The following HSBP1 variants were observed in gnomAD, a reference collection of about 807,000 sequenced individuals.
HSBP1 encodes heat shock factor-binding protein 1.
In HSBP1, 5 loss-of-function variants were observed where a neutral mutation model predicts 9.6. The ratio of observed to expected loss-of-function variants is 0.52; its 90% CI spans 0.27 to 1.09. The LOEUF (loss-of-function observed/expected upper bound fraction) is 1.09. Ranked by LOEUF, HSBP1 falls within the 50% of genes least tolerant of loss-of-function variation. HSBP1 has a pLI of 0.11. For synonymous variants in HSBP1, 42 were observed against 33.3 expected (o/e 1.26, Z -0.90); for missense variants, 121 against 96.3 (o/e 1.26, Z -1.07).
In HSBP1 at chr16:83,817,980, G is replaced by A. The variant is rs1043007247; in HGVS notation, c.*6562G>A. ...TCTCTCCTGCAAGCCAGGCTCAGGT[G>A]CGCCTCAATTAGAACCTGTGTTCGC... On this transcript the variant is annotated 3_prime_UTR_variant, in exon 4 of 4. Transcript: ENST00000433866. The A allele has an allele frequency of 6.6e-6, 1 of 152,182 alleles. No individual in the cohort carries two copies. The highest frequency in any genetic ancestry group is 2.4e-5 in the African/African-American group (1 of 41,442). 9.4% of individuals were successfully genotyped at this position (152,182 alleles called of 1,614,324 possible). A position where few individuals can be genotyped will look rare whatever the true frequency, so the allele number is the denominator to read the frequency against.
rs144068053 is a variant in HSBP1, at chr16:83,819,282, A to C, written c.*7864A>C. 6.6e-6 allele frequency: 1 copy of C among 152,274 alleles called. No homozygotes were observed. Among genetic ancestry groups the C allele is most frequent in the African/African-American group, 2.4e-5 (1 of 41,548 alleles). The allele number at this position is 152,274 out of a possible 1,614,324, so 9.4% of individuals were successfully genotyped here. A position where few individuals can be genotyped will look rare whatever the true frequency, so the allele number is the denominator to read the frequency against. On this transcript the variant is annotated 3_prime_UTR_variant, in exon 4 of 4. Transcript: ENST00000433866. ...ATATTTTTAATAAATTCCCTCATTT[A>C]TTATTTTTGTGTCTTATTTCCCATA...
Position 83,817,685 on chromosome 16 carries a change from G to T in HSBP1, c.*6267G>T, listed in dbSNP as rs1389159639. ...ACTTTACATATTAAATATCTTAAAG[G>T]TCTTTTATGCAGAATATGCAGTTAA... On this transcript the variant is annotated 3_prime_UTR_variant, in exon 4 of 4. Transcript: ENST00000433866. 6.6e-6 allele frequency: 1 copy of T among 152,154 alleles called. No homozygotes were observed. Among genetic ancestry groups the T allele is most frequent in the African/African-American group, 2.4e-5 (1 of 41,418 alleles). 9.4% of individuals were successfully genotyped at this position (152,154 alleles called of 1,614,324 possible).
At chr16:83,811,383 A>C (rs1352794170) in intron 3 of HSBP1, 38 bp from the exon 4 acceptor site, 1 of 152,262 alleles carries the variant, frequency 6.6e-6, no homozygotes, top group African/African-American at 2.4e-5. Flanking sequence ...GTGCTCATAT[A>C]ATGAAAAACA....
intron 3 of HSBP1, among the ~76,000 whole-genome samples, chr16:83,810,997 G>A (rs1165380417): frequency 1.3e-5 from 2 of 152,154 alleles, no homozygotes; most frequent in African/African-American, 2.4e-5. Context: ...CACAGTAGGT[G>A]GGGTTCATTC....
chr16:83,810,322 G>A (rs1904571407), intron 3 of HSBP1, among the ~76,000 whole-genome samples: 1 of 152,074 alleles, frequency 6.6e-6, no homozygotes, highest in Non-Finnish European at 1.5e-5. Flanking sequence ...ATAGGTAAAT[G>A]TACAGAATCA....
rs1319471490 is a variant in HSBP1 at position 83,816,031 on chromosome 16, A to G, written c.*4613A>G. On this transcript the variant is annotated 3_prime_UTR_variant, in exon 4 of 4. Coordinates refer to ENST00000433866, the MANE Select transcript of HSBP1 (RefSeq NM_001537.4). ...AGCCCTTTTAACAATGGTGGGATGTATTATTTCACATGGCAAGAAGTCCCA... is the reference window on the plus strand; with the variant it reads ...AGCCCTTTTAACAATGGTGGGATGTGTTATTTCACATGGCAAGAAGTCCCA... The G allele has an allele frequency of 2.6e-5, 4 of 152,168 alleles. No homozygotes were observed. Among genetic ancestry groups the G allele is most frequent in the African/African-American group, 9.7e-5 (4 of 41,432 alleles). 9.4% of individuals were successfully genotyped at this position (152,168 alleles called of 1,614,324 possible).
intron 2 of HSBP1, 63 bp from the exon 3 acceptor site, chr16:83,809,242 T>C: frequency 9.6e-7 from 1 of 1,044,304 alleles, no homozygotes; most frequent in East Asian, 2.6e-5. Context: ...GGCTGTAGTC[T>C]GCAGGGACGG....
chr16:83,809,344 A>C lies in HSBP1; in HGVS notation c.152A>C (p.Asn51Thr). Residue 51 changes from asparagine to threonine, a missense_variant, in exon 3 of 4, where the codon AAT becomes ACT. Transcript: ENST00000433866. ...AGTCGCATTGATGATCTGGAAAAGA[A>C]TATCGCGGACCTCATGACACAGGCT... ...MSSRIDDLEK[N>T]IADLMTQAGV... 1.2e-6 allele frequency: 2 copies of C among 1,603,234 alleles called. No homozygotes were observed. The highest frequency in any genetic ancestry group is 1.7e-6 in the Non-Finnish European group (2 of 1,174,724).
intron 3 of HSBP1, among the ~76,000 whole-genome samples, chr16:83,810,067 C>G (rs1414252238): frequency 2.0e-5 from 3 of 150,890 alleles, no homozygotes; most frequent in Admixed American, 6.6e-5. Context: ...TTTTGTTGGC[C>G]TATAAAGCCT....
At chr16:83,809,715 G>A (rs866628226) in intron 3 of HSBP1, among the ~76,000 whole-genome samples, 11 of 151,966 alleles carry the variant, frequency 7.2e-5, no homozygotes, top group South Asian at 2.1e-4. Context: ...TGATTTGCCC[G>A]CCTCAGCCTC....
Position 83,809,322 on chromosome 16 carries a change from C to G in HSBP1, c.130C>G (p.Arg44Gly). ...TTCAGCACTTGATGATATGAGTAGT[C>G]GCATTGATGATCTGGAAAAGAATAT... ...IIGRIDDMSS[R>G]IDDLEKNIAD... is the part of the protein sequence containing the mutation. Residue 44 changes from arginine to glycine, a missense_variant, in exon 3 of 4, where the codon CGC (arginine) becomes GGC (glycine). Physicochemically the swap from Arg to Gly is moderately radical, Grantham distance 125. Coordinates refer to ENST00000433866, the MANE Select transcript of HSBP1 (RefSeq NM_001537.4). 1 of 1,594,004 alleles carries G rather than the reference C, an allele frequency of 6.3e-7. No homozygotes were observed. The highest frequency in any genetic ancestry group is 8.6e-7 in the Non-Finnish European group (1 of 1,168,880).
intron 3 of HSBP1, among the ~76,000 whole-genome samples, chr16:83,809,873 C>G (rs566199696): frequency 6.6e-6 from 1 of 152,228 alleles, no homozygotes; most frequent in Non-Finnish European, 1.5e-5. Context: ...CAGCAAGCAT[C>G]ACTGTATTGT....
At position 83,809,288 on chromosome 16, in the gene HSBP1, G is replaced by T. The variant is rs369271571; in HGVS notation, c.113-17G>T. On this transcript the variant is annotated splice_polypyrimidine_tract_variant and intron_variant, in intron 2 of 3. Coordinates refer to ENST00000433866, the MANE Select transcript of HSBP1 (RefSeq NM_001537.4). ...GCTCAATGAGATGTTGGCACGCGTT[G>T]TCTTTAACTTCAGCACTTGATGATA... 6.7e-7 allele frequency: 1 copy of T among 1,494,960 alleles called. No individual in the cohort carries two copies. The highest frequency in any genetic ancestry group is 9.2e-7 in the Non-Finnish European group (1 of 1,087,626). 92.6% of individuals were successfully genotyped at this position (1,494,960 alleles called of 1,614,324 possible).
rs1047239637 is a variant in HSBP1 at position 83,812,881 on chromosome 16, G to C, written c.*1463G>C. The C allele has an allele frequency of 2.6e-5, 4 of 152,248 alleles. No individual in the cohort carries two copies. Among genetic ancestry groups the C allele is most frequent in the Non-Finnish European group, 5.9e-5 (4 of 68,062 alleles). 9.4% of individuals were successfully genotyped at this position (152,248 alleles called of 1,614,324 possible). The stretch of plus-strand genomic sequence containing the variant: ...ATGATATGGCCGGTTGCGGTTGTAG[G>C]AGAGTTGTGACTTAGGCAGGAGTCG... On this transcript the variant is annotated 3_prime_UTR_variant, in exon 4 of 4. Coordinates refer to ENST00000433866, the MANE Select transcript of HSBP1 (RefSeq NM_001537.4).
In HSBP1 at chr16:83,809,354, C is replaced by T; in HGVS notation, c.162C>T (p.Asp54=). Residue 54 remains aspartate (D), a synonymous_variant, in exon 3 of 4, where the codon GAC becomes GAT. Coordinates refer to ENST00000433866, the MANE Select transcript of HSBP1 (RefSeq NM_001537.4). ...RIDDLEKNIA[D]LMTQAGVEEL... ...ATGATCTGGAAAAGAATATCGCGGA[C>T]CTCATGACACAGGCTGGGGTGGAAG... 2 of 1,604,086 alleles carry T rather than the reference C, an allele frequency of 1.2e-6. No homozygotes were observed. Among genetic ancestry groups the T allele is most frequent in the South Asian group, 1.1e-5 (1 of 88,762 alleles).
At position 83,812,246 on chromosome 16, in the gene HSBP1, AAG is replaced by A. The variant is rs1268065974; in HGVS notation, c.*834_*835del. On this transcript the variant is annotated 3_prime_UTR_variant, in exon 4 of 4. Coordinates refer to ENST00000433866, the MANE Select transcript of HSBP1 (RefSeq NM_001537.4). Reference sequence around the variant, plus strand: ...CCTTTGAGCTAGTGACTTGAAAAGAAAGAGAGAAGGAAAAGAGACCATATTAA... The same window carrying A: ...CCTTTGAGCTAGTGACTTGAAAAGAAAGAGAAGGAAAAGAGACCATATTAA... 1 of 152,682 alleles carries A rather than the reference AAG, an allele frequency of 6.5e-6. No individual in the cohort carries two copies. The highest frequency in any genetic ancestry group is 1.5e-5 in the Non-Finnish European group (1 of 68,042). 9.5% of individuals were successfully genotyped at this position (152,682 alleles called of 1,614,324 possible). A position where few individuals can be genotyped will look rare whatever the true frequency, so the allele number is the denominator to read the frequency against.
rs987335135 is a variant in HSBP1, at chr16:83,816,492, T to C, written c.*5074T>C. On this transcript the variant is annotated 3_prime_UTR_variant, in exon 4 of 4. Coordinates refer to ENST00000433866, the MANE Select transcript of HSBP1 (RefSeq NM_001537.4). ...TGCATCCGGTCAGAGAATGCCTTTC[T>C]TCTTCCCTTTTGTCTCCTAAGAGTG... The C allele has an allele frequency of 2.0e-5, 3 of 152,258 alleles. No individual in the cohort carries two copies. The highest frequency in any genetic ancestry group is 4.4e-5 in the Non-Finnish European group (3 of 68,046). The allele number at this position is 152,258 out of a possible 1,614,324, so 9.4% of individuals were successfully genotyped here.
intron 3 of HSBP1, among the ~76,000 whole-genome samples, chr16:83,809,674 G>C (rs996339458): frequency 6.6e-6 from 1 of 151,840 alleles, no homozygotes; most frequent in East Asian, 1.9e-4. Context: ...TCTCCATGTT[G>C]GTCATGCTGG....
rs1412281271 is a variant in HSBP1, at chr16:83,818,117, A to G, written c.*6699A>G. 6.6e-6 allele frequency: 1 copy of G among 152,210 alleles called. No individual in the cohort carries two copies. The highest frequency in any genetic ancestry group is 2.1e-4 in the South Asian group (1 of 4,832). 9.4% of individuals were successfully genotyped at this position (152,210 alleles called of 1,614,324 possible). A position where few individuals can be genotyped will look rare whatever the true frequency, so the allele number is the denominator to read the frequency against. On this transcript the variant is annotated 3_prime_UTR_variant, in exon 4 of 4. Transcript: ENST00000433866. The stretch of plus-strand genomic sequence containing the variant: ...AGGTTCATGGTTACCGTGGGTCGGC[A>G]CTGGGTCTGTGAGCCCTCATCCCCA...
Sources: gnomAD v4.1 joint callset for allele counts (sites outside exome capture counted in the v4.1 genomes callset) on GRCh38, gnomAD v4.1.1 for gene constraint, MANE v1.5 for transcripts, NCBI Gene and HGNC (gene_info 2026-07-23, HGNC 2026-07-21) for gene names.